RAF1: variants seen among roughly 807,000 people sequenced by gnomAD.
RAF1 encodes RAF proto-oncogene serine/threonine-protein kinase.
Under a neutral mutation model 81.1 loss-of-function variants are expected in RAF1, and 27 were observed. That is an observed-to-expected ratio of 0.33 (90% CI 0.25 to 0.46). The LOEUF (loss-of-function observed/expected upper bound fraction) is 0.46, where lower values mean the gene tolerates loss of function less well. RAF1 is among the 20% of genes least tolerant of loss of function. The probability of loss-of-function intolerance (pLI) is 1.00; values close to 1 mark genes in which losing one functional copy is unlikely to be tolerated. For synonymous variants in RAF1, 298 were observed against 294.0 expected, an observed-to-expected ratio of 1.01 and a Z score of -0.14; for missense variants, 598 against 826.0, an observed-to-expected ratio of 0.72 and a Z score of 3.38.
intron 1 of RAF1, among the ~76,000 whole-genome samples, chr3:12,641,974 T>C (rs2060201276): frequency 6.6e-6 from 1 of 151,662 alleles, no homozygotes; most frequent in Non-Finnish European, 1.5e-5. Context: ...GGTGAAACCC[T>C]GTCTCTACTA....
At chr3:12,617,885 AAAAAAAAG>A (rs1390223616) in intron 2 of RAF1, among the ~76,000 whole-genome samples, 42 of 148,290 alleles carry the variant, frequency 2.8e-4, no homozygotes, top group South Asian at 1.9e-3. Flanking sequence ...TCTCAAAAAA[AAAAAAAAG>A]AAAAGAAAAA....
At chr3:12,652,058 T>C (rs2060548486) in intron 1 of RAF1, among the ~76,000 whole-genome samples, 1 of 127,658 alleles carries the variant, frequency 7.8e-6, no homozygotes, top group Middle Eastern at 4.4e-3. Flanking sequence ...AAATAAATGA[T>C]ATAAAAAATT....
intron 14 of RAF1, 21 bp from the exon 14 acceptor site, chr3:12,585,820 CTG>C (rs1575533376): frequency 6.5e-7 from 1 of 1,549,742 alleles, no homozygotes; most frequent in East Asian, 2.2e-5. Flanking sequence ...GTTAAGGACT[CTG>C]GTTTCAAAAG....
intron 1 of RAF1, among the ~76,000 whole-genome samples, chr3:12,650,041 G>T (rs2060472689): frequency 6.6e-6 from 1 of 150,676 alleles, no homozygotes; most frequent in Admixed American, 6.7e-5. Context: ...AGCTACTCGG[G>T]AGGCTGAGGC....
intron 1 of RAF1, among the ~76,000 whole-genome samples, chr3:12,635,770 G>T (rs2060006975): frequency 6.6e-6 from 1 of 150,378 alleles, no homozygotes; most frequent in Non-Finnish European, 1.5e-5. Context: ...TCAGGAGATT[G>T]AGACCATCCT....
intron 12 of RAF1, 150 bp downstream of exon 11, chr3:12,591,558 C>G (rs1196311851): frequency 2.8e-6 from 2 of 703,880 alleles, no homozygotes; most frequent in Non-Finnish European, 5.1e-6. Flanking sequence ...TCCCTTTGCT[C>G]TCAAGGGAGG....
At chr3:12,628,265 AGCCTGGGCTAATCCCT>A (rs2059764460) in intron 1 of RAF1, among the ~76,000 whole-genome samples, 1 of 152,200 alleles carries the variant, frequency 6.6e-6, no homozygotes, top group Non-Finnish European at 1.5e-5. Flanking sequence ...GTTTGAGACC[AGCCTGGGCTAATCCCT>A]GCACTTTGGG....
In RAF1 at chr3:12,584,946, T is replaced by C. The variant is rs1575530495; in HGVS notation, c.1764A>G (p.Pro588=). 5 of 1,614,170 alleles carry C rather than the reference T, an allele frequency of 3.1e-6. No homozygotes were observed. Among genetic ancestry groups the C allele is most frequent in the South Asian group, 1.1e-5 (1 of 91,082 alleles). ...AGTTCTTATATAGCTTACTAAGATC[T>C]GGGGAGGCATATCCTCGGCCCACCA... is the stretch of plus-strand genomic sequence containing the variant. The change falls in exon 17 of 18, where the codon CCA becomes CCG. Residue 588 remains proline, a synonymous_variant. Coordinates refer to ENST00000442415, the MANE Select transcript of RAF1 (RefSeq NM_001354689.3).
intron 1 of RAF1, among the ~76,000 whole-genome samples, chr3:12,642,430 T>G (rs1454024524): frequency 6.8e-6 from 1 of 146,114 alleles, no homozygotes; most frequent in Non-Finnish European, 1.5e-5. Flanking sequence ...GAGAATGGAG[T>G]GAACCCAGGA....
intron 1 of RAF1, among the ~76,000 whole-genome samples, chr3:12,643,714 C>T (rs1031049378): frequency 4.0e-5 from 6 of 149,324 alleles, no homozygotes; most frequent in Admixed American, 2.7e-4. Context: ...CCAGCCTGGG[C>T]AACAAGAGCA....
chr3:12,656,333 T>C (rs1218389099), intron 1 of RAF1, among the ~76,000 whole-genome samples: 2 of 151,620 alleles, frequency 1.3e-5, no homozygotes, highest in Non-Finnish European at 2.9e-5. Flanking sequence ...AGCTGAAGAG[T>C]CAGTGTCCTG....
At chr3:12,634,982 T>C (rs1431257376) in intron 1 of RAF1, among the ~76,000 whole-genome samples, 1 of 152,064 alleles carries the variant, frequency 6.6e-6, no homozygotes, top group Non-Finnish European at 1.5e-5. Flanking sequence ...AAAACTGATA[T>C]AAGGAAAAAG....
intron 10 of RAF1, 103 bp downstream of exon 9, chr3:12,600,049 T>C: frequency 6.5e-7 from 1 of 1,539,344 alleles, no homozygotes; most frequent in Non-Finnish European, 9.0e-7. Flanking sequence ...TTGAATGTAT[T>C]TTATTAGAAT....
intron 10 of RAF1, 94 bp downstream of exon 9, chr3:12,600,058 A>C: frequency 6.4e-7 from 1 of 1,560,256 alleles, no homozygotes; most frequent in South Asian, 1.1e-5. Flanking sequence ...TTTTATTAGA[A>C]TCTTCTCCCA....
rs2059223108 is a variant in RAF1, at chr3:12,611,955, G to C, written c.315C>G (p.His105Gln). 4 of 1,613,580 alleles carry C rather than the reference G, an allele frequency of 2.5e-6. No individual in the cohort carries two copies. Among genetic ancestry groups the C allele is most frequent in the South Asian group, 2.2e-5 (2 of 91,064 alleles). ...ATTGACTTTTGAGCTCTTACCCTTT[G>C]TGTTCGTGGAGAAGTCTGAACACTG... The change falls in exon 3 of 18, where the codon CAC becomes CAG. Residue 105 changes from histidine to glutamine, a missense_variant. Transcript: ENST00000442415.
chr3:12,617,804 A>G (rs1208176721), intron 2 of RAF1, among the ~76,000 whole-genome samples: 11 of 151,380 alleles, frequency 7.3e-5, no homozygotes, highest in Admixed American at 7.2e-4. Context: ...GAGGCAGGAG[A>G]ATCACTTCAA....
chr3:12,591,902 TAC>T (rs2058526196), intron 11 of RAF1, 110 bp from the exon 11 acceptor site: 2 of 846,788 alleles, frequency 2.4e-6, no homozygotes, highest in East Asian at 5.0e-5. Flanking sequence ...ATCACATACC[TAC>T]ACAGATACGG....
intron 1 of RAF1, among the ~76,000 whole-genome samples, chr3:12,632,098 C>T (rs1174902050): frequency 1.3e-5 from 2 of 151,196 alleles, no homozygotes; most frequent in African/African-American, 4.8e-5. Flanking sequence ...GAGGCCAAGG[C>T]AGGGGGATCA....
rs187514758 is a variant in RAF1 at position 12,585,293 on chromosome 3, A to G, written c.1597-40T>C. 1.7e-3 allele frequency: 2,731 copies of G among 1,612,414 alleles called. 3 individuals are homozygous for G. The highest frequency in any genetic ancestry group is 2.1e-3 in the Non-Finnish European group (2,447 of 1,179,924). ...ATATGACAAAAGTGCATTTATCACCATATGACAGGCCTCACAGACATCTAG... is the reference window on the plus strand; with the variant it reads ...ATATGACAAAAGTGCATTTATCACCGTATGACAGGCCTCACAGACATCTAG... On this transcript the variant is annotated intron_variant, in intron 15 of 17. Coordinates refer to ENST00000442415, the MANE Select transcript of RAF1 (RefSeq NM_001354689.3).
Sources: allele counts gnomAD v4.1 joint callset (sites outside exome capture counted in the v4.1 genomes callset), GRCh38; gene constraint gnomAD v4.1.1; transcripts MANE v1.5; gene names NCBI Gene and HGNC (gene_info 2026-07-23, HGNC 2026-07-21).